The following SHQ1 variants were observed in gnomAD, a reference collection of about 807,000 sequenced individuals.
SHQ1 encodes SHQ1, H/ACA ribonucleoprotein assembly factor, also known as protein SHQ1 homolog.
SHQ1 carries 49 observed loss-of-function variants against 53.8 expected under a neutral mutation model. The observed-to-expected ratio is 0.91, with a 90% confidence interval of 0.72 to 1.16. The LOEUF is 1.16. SHQ1 is among the 50% of genes most tolerant of loss of function. SHQ1 has a pLI of 0.00. For missense variants in SHQ1, 738 were observed against 683.1 expected (o/e 1.08, Z -0.90); for synonymous variants, 243 against 251.0 (o/e 0.97, Z 0.30).
intron 5 of SHQ1, among the ~76,000 whole-genome samples, chr3:72,827,891 A>G (rs1707708622): frequency 1.3e-5 from 2 of 151,346 alleles, no homozygotes; most frequent in Non-Finnish European, 2.9e-5. Context: ...AGTAGCGGGG[A>G]CTACAGGCGC....
chr3:72,783,800 G>GT (rs1706143899), intron 10 of SHQ1, among the ~76,000 whole-genome samples: 1 of 152,080 alleles, frequency 6.6e-6, no homozygotes, highest in South Asian at 2.1e-4. Flanking sequence ...AGGTATCTGA[G>GT]TATCTCAACA....
intron 4 of SHQ1, among the ~76,000 whole-genome samples, chr3:72,835,453 A>T (rs987648967): frequency 6.6e-6 from 1 of 152,116 alleles, no homozygotes; most frequent in Non-Finnish European, 1.5e-5. Context: ...TCACTTGCTA[A>T]TAGCAATTTT....
At chr3:72,816,708 T>C (rs904463335) in intron 7 of SHQ1, among the ~76,000 whole-genome samples, 1 of 152,092 alleles carries the variant, frequency 6.6e-6, no homozygotes, top group Non-Finnish European at 1.5e-5. Context: ...AAAAAAGATA[T>C]AATTCAGGTT....
chr3:72,788,660 A>G (rs1486712489), intron 10 of SHQ1, among the ~76,000 whole-genome samples: 1 of 152,232 alleles, frequency 6.6e-6, no homozygotes, highest in Non-Finnish European at 1.5e-5. Context: ...GGAGAAAAGA[A>G]AGAGAGATCA....
chr3:72,746,170 C>T (rs1021780160), downstream of SHQ1, among the ~76,000 whole-genome samples: 1 of 152,082 alleles, frequency 6.6e-6, no homozygotes, highest in Non-Finnish European at 1.5e-5. Flanking sequence ...GGAAAGGTGT[C>T]GTTTGGAGTC....
chr3:72,764,294 C>T (rs1312999023), intron 10 of SHQ1, among the ~76,000 whole-genome samples: 2 of 152,094 alleles, frequency 1.3e-5, no homozygotes, highest in Admixed American at 6.6e-5. Flanking sequence ...GCGATCCTCC[C>T]GCCTTGGCCT....
chr3:72,782,607 T>C (rs954798570), intron 10 of SHQ1, among the ~76,000 whole-genome samples: 3 of 152,240 alleles, frequency 2.0e-5, no homozygotes, highest in Non-Finnish European at 4.4e-5. Flanking sequence ...TCTATTTATT[T>C]AGGGGACTTC....
At chr3:72,751,854 C>T (rs1413231754) in intron 10 of SHQ1, among the ~76,000 whole-genome samples, 1 of 151,998 alleles carries the variant, frequency 6.6e-6, no homozygotes, top group Non-Finnish European at 1.5e-5. Context: ...GAGAACTTGG[C>T]AATAACTTTC....
chr3:72,792,614 C>T (rs1165430106), intron 10 of SHQ1, among the ~76,000 whole-genome samples: 2 of 151,790 alleles, frequency 1.3e-5, no homozygotes, highest in African/African-American at 2.4e-5. Context: ...GGTGAAACCC[C>T]GTCTCTACTA....
rs1234504994 is a variant in SHQ1, at chr3:72,848,298, G to A, written c.43C>T (p.Leu15=). 6.2e-7 allele frequency: 1 copy of A among 1,614,188 alleles called. No individual in the cohort carries two copies. Among genetic ancestry groups the A allele is most frequent in the Admixed American group, 1.7e-5 (1 of 60,030 alleles). Residue 15 remains leucine, a synonymous_variant, in exon 1 of 11, where the codon CTG becomes TTG. Coordinates refer to ENST00000325599, the MANE Select transcript of SHQ1 (RefSeq NM_018130.3). ...TAGGGCACGCGGATGGCGATAGTCA[G>A]GAAGTCCGGATCCTGGCTGAGGTCG... The part of the protein sequence containing the change: ...AFDLSQDPDF[L]TIAIRVPYAR...
At chr3:72,820,460 T>C (rs1467915154) in intron 6 of SHQ1, among the ~76,000 whole-genome samples, 1 of 152,138 alleles carries the variant, frequency 6.6e-6, no homozygotes, top group African/African-American at 2.4e-5. Flanking sequence ...AAATCAGAGA[T>C]GATAAATAAC....
At chr3:72,774,425 T>C (rs1705914683) in intron 10 of SHQ1, among the ~76,000 whole-genome samples, 2 of 149,156 alleles carry the variant, frequency 1.3e-5, no homozygotes, top group Non-Finnish European at 2.9e-5. Context: ...GTATGAAAAC[T>C]GACACCATTC....
rs1559657361 is a variant in SHQ1, at chr3:72,751,497, TGTGTGTGTG to T, written c.1182-670_1182-662del. Among the ~76,000 whole-genome samples, 25 of 111,416 alleles carry T rather than the reference TGTGTGTGTG, an allele frequency of 2.2e-4. 2 individuals are homozygous for T. The highest frequency in any genetic ancestry group is 4.0e-4 in the African/African-American group (9 of 22,264). The allele number at this position is 111,416 out of a possible 152,430, so 73.1% of individuals were successfully genotyped here. A position where few individuals can be genotyped will look rare whatever the true frequency, so the allele number is the denominator to read the frequency against. ...ACATATGTGTGTGTGTGTGTGTGTGTGTGTGTGTGTGTATATATATATATATATATATAC... is the reference window on the plus strand; with the variant it reads ...ACATATGTGTGTGTGTGTGTGTGTGTTGTATATATATATATATATATATAC... On this transcript the variant is annotated intron_variant, in intron 10 of 10. Transcript: ENST00000325599.
chr3:72,787,723 C>G (rs2322615), intron 10 of SHQ1, among the ~76,000 whole-genome samples: 2 of 151,916 alleles, frequency 1.3e-5, no homozygotes, highest in Non-Finnish European at 2.9e-5. Context: ...CCCTCCCCCT[C>G]CCTCTCCCCT....
intron 3 of SHQ1, among the ~76,000 whole-genome samples, chr3:72,841,627 C>G (rs76777112): frequency 6.6e-6 from 1 of 152,178 alleles, no homozygotes; most frequent in Non-Finnish European, 1.5e-5. Context: ...CATTTCTTGA[C>G]AGAGGTGGTG....
intron 9 of SHQ1, among the ~76,000 whole-genome samples, chr3:72,802,612 T>C (rs530082046): frequency 3.9e-5 from 6 of 152,172 alleles, no homozygotes; most frequent in Non-Finnish European, 8.8e-5. Flanking sequence ...CTTTTTCTGA[T>C]TTTTTTGCCT....
At chr3:72,727,522 T>C in the SHQ1 span, among the ~76,000 whole-genome samples, 2 of 152,156 alleles carry the variant, frequency 1.3e-5, no homozygotes, top group Non-Finnish European at 2.9e-5. Context: ...TGGCCACACA[T>C]CAGAGCTAGG....
chr3:72,777,239 A>G (rs1177255058), intron 10 of SHQ1, among the ~76,000 whole-genome samples: 1 of 152,238 alleles, frequency 6.6e-6, no homozygotes, highest in East Asian at 1.9e-4. Flanking sequence ...TGTTTATGAA[A>G]ACACTACAAG....
intron 10 of SHQ1, among the ~76,000 whole-genome samples, chr3:72,766,316 A>T (rs765473079): frequency 3.3e-5 from 5 of 152,072 alleles, no homozygotes; most frequent in African/African-American, 4.8e-5. Flanking sequence ...TAGTCTCCAG[A>T]TCATGTATCC....
Sources: gnomAD v4.1 joint callset for allele counts (sites outside exome capture counted in the v4.1 genomes callset) on GRCh38, gnomAD v4.1.1 for gene constraint, MANE v1.5 for transcripts, NCBI Gene and HGNC (gene_info 2026-07-23, HGNC 2026-07-21) for gene names.